The following FOXN3 variants were observed in gnomAD, a reference collection of about 807,000 sequenced individuals.
FOXN3 encodes forkhead box N3, also known as forkhead box protein N3.
In FOXN3, 7 loss-of-function variants were observed where a neutral mutation model predicts 38.4. The ratio of observed to expected loss-of-function variants is 0.18; its 90% CI spans 0.10 to 0.34. The LOEUF (loss-of-function observed/expected upper bound fraction) is 0.34, where lower values mean the gene tolerates loss of function less well. Among genes scored for constraint, FOXN3 ranks in the 10% least tolerant of loss-of-function variants. FOXN3 has a pLI of 1.00. For synonymous variants in FOXN3, 230 were observed against 242.2 expected (o/e 0.95, Z 0.47); for missense variants, 456 against 613.4 (o/e 0.74, Z 2.71).
intron 1 of FOXN3, among the ~76,000 whole-genome samples, chr14:89,613,322 T>A (rs1049528205): frequency 1.3e-5 from 2 of 152,090 alleles, no homozygotes; most frequent in Non-Finnish European, 2.9e-5. Flanking sequence ...CTGGCATGTA[T>A]CCTTCAGTTC....
intron 4 of FOXN3, among the ~76,000 whole-genome samples, chr14:89,279,944 C>T (rs1886408862): frequency 6.6e-6 from 1 of 152,186 alleles, no homozygotes; most frequent in South Asian, 2.1e-4. Context: ...TACTCCTTCA[C>T]ACACAGGGCC....
In FOXN3 at chr14:89,554,782, C is replaced by CTTTTTTTTTTTT. The variant is rs34530866; in HGVS notation, c.-15+64234_-15+64245dup. On this transcript the variant is annotated intron_variant, in intron 1 of 6. Transcript: ENST00000345097. Reference sequence around the variant, plus strand: ...ATAATCTATGTAAATACTAGCATTTCTTTTTTTTTTTTTTTTTTTTTTTTG... The same window carrying CTTTTTTTTTTTT: ...ATAATCTATGTAAATACTAGCATTTCTTTTTTTTTTTTTTTTTTTTTTTTTTTTTTTTTTTTG... Among the ~76,000 whole-genome samples, 17 of 68,590 alleles carry CTTTTTTTTTTTT rather than the reference C, an allele frequency of 2.5e-4. 1 individual carries two copies. Among genetic ancestry groups the CTTTTTTTTTTTT allele is most frequent in the African/African-American group, 8.7e-4 (17 of 19,622 alleles). The allele number at this position is 68,590 out of a possible 152,430, so 45.0% of individuals were successfully genotyped here.
chr14:89,601,547 A>AACAAAGCAATTAGTTAAACTCAGGTAC (rs1165968505), intron 1 of FOXN3, among the ~76,000 whole-genome samples: 3 of 152,228 alleles, frequency 2.0e-5, no homozygotes, highest in Non-Finnish European at 4.4e-5. Context: ...TGAACCTAGC[A>AACAAAGCAATTAGTTAAACTCAGGTAC]ACAAAGCAAT....
At chr14:89,568,927 G>A (rs77203414) in intron 1 of FOXN3, among the ~76,000 whole-genome samples, 2,008 of 152,308 alleles carry the variant, frequency 0.013, 48 homozygotes, top group African/African-American at 0.046. Flanking sequence ...GCCATTGGCC[G>A]GGCACGGTGG....
chr14:89,384,516 T>C (rs1890740871), intron 2 of FOXN3, among the ~76,000 whole-genome samples: 1 of 152,218 alleles, frequency 6.6e-6, no homozygotes, highest in South Asian at 2.1e-4. Flanking sequence ...TTCATTCATA[T>C]AACATGGTTT....
chr14:89,405,013 A>C (rs1296625568), intron 2 of FOXN3, among the ~76,000 whole-genome samples: 1 of 152,198 alleles, frequency 6.6e-6, no homozygotes, highest in Non-Finnish European at 1.5e-5. Context: ...AGGTAGGTTG[A>C]CTGGTGTCAC....
chr14:89,609,037 A>G (rs1039815260), intron 1 of FOXN3, among the ~76,000 whole-genome samples: 2 of 152,222 alleles, frequency 1.3e-5, no homozygotes, highest in African/African-American at 4.8e-5. Context: ...AACAAGATGT[A>G]CAAAGGCTGG....
rs1476565244 is a variant in FOXN3, at chr14:89,481,523, C to A, written c.-14-69033G>T. 2.6e-5 allele frequency among the ~76,000 whole-genome samples: 4 copies of A among 152,170 alleles called. No homozygotes were observed. The East Asian group carries it at 5.8e-4, about 22-fold the overall frequency. ...GGGCCACTGTCAGGGAAGTGGGGCC[C>A]CATGAGGTCAAGGGTGCAATACTCA... On this transcript the variant is annotated intron_variant, in intron 1 of 6. Coordinates refer to the FOXN3 transcript ENST00000345097.
At chr14:89,176,299 A>AT (rs1887516658) in intron 5 of FOXN3, among the ~76,000 whole-genome samples, 1 of 152,264 alleles carries the variant, frequency 6.6e-6, no homozygotes, top group African/African-American at 2.4e-5. Context: ...GTAACACTTC[A>AT]TCTATGTCAA....
chr14:89,539,424 C>T (rs1346417939), intron 1 of FOXN3, among the ~76,000 whole-genome samples: 1 of 152,124 alleles, frequency 6.6e-6, no homozygotes, highest in African/African-American at 2.4e-5. Context: ...GAAAATGATA[C>T]ATAAAACACT....
chr14:89,243,632 T>C (rs1428873838), intron 4 of FOXN3, among the ~76,000 whole-genome samples: 3 of 152,294 alleles, frequency 2.0e-5, no homozygotes, highest in East Asian at 3.9e-4. Flanking sequence ...TGCCCTTTCA[T>C]TTTCTGAGAG....
chr14:89,447,622 A>G (rs1237467453), intron 1 of FOXN3, among the ~76,000 whole-genome samples: 1 of 152,044 alleles, frequency 6.6e-6, no homozygotes, highest in Admixed American at 6.6e-5. Context: ...ATACTCTACT[A>G]GGAAACACAC....
intron 1 of FOXN3, among the ~76,000 whole-genome samples, chr14:89,494,550 T>G (rs569391972): frequency 3.4e-4 from 52 of 152,252 alleles, no homozygotes; most frequent in African/African-American, 1.2e-3. Flanking sequence ...TTTAAAATGG[T>G]GTGGGAAGGA....
At chr14:89,174,647 C>A (rs1887474519) in intron 5 of FOXN3, among the ~76,000 whole-genome samples, 1 of 152,260 alleles carries the variant, frequency 6.6e-6, no homozygotes, top group Admixed American at 6.5e-5. Context: ...TGAGGAGCAG[C>A]TCTAGAATGT....
chr14:89,569,616 A>T (rs1474662944), intron 1 of FOXN3, among the ~76,000 whole-genome samples: 1 of 152,222 alleles, frequency 6.6e-6, no homozygotes, highest in African/African-American at 2.4e-5. Flanking sequence ...GATCATGACA[A>T]ATTAATCCAA....
At chr14:89,593,077 G>A (rs941159816) in intron 1 of FOXN3, among the ~76,000 whole-genome samples, 1 of 140,974 alleles carries the variant, frequency 7.1e-6, no homozygotes, top group East Asian at 2.3e-4. Context: ...GGGAGGGAGG[G>A]AATGAGGGAA....
chr14:89,541,725 A>G (rs1224127208), intron 1 of FOXN3, among the ~76,000 whole-genome samples: 1 of 152,058 alleles, frequency 6.6e-6, no homozygotes, highest in Non-Finnish European at 1.5e-5. Flanking sequence ...GAGATTCAAG[A>G]ACCCTCTTGG....
intron 1 of FOXN3, among the ~76,000 whole-genome samples, chr14:89,601,859 A>G (rs1288148509): frequency 6.6e-6 from 1 of 151,940 alleles, no homozygotes; most frequent in African/African-American, 2.4e-5. Context: ...TAGTACTAGC[A>G]CTCGTAGACC....
chr14:89,206,448 C>T (rs1350099522), intron 4 of FOXN3, among the ~76,000 whole-genome samples: 2 of 152,134 alleles, frequency 1.3e-5, no homozygotes, highest in Admixed American at 6.5e-5. Context: ...GCTTGATAAT[C>T]GCCAGAAAAT....
Sources: allele counts gnomAD v4.1 joint callset (sites outside exome capture counted in the v4.1 genomes callset), GRCh38; gene constraint gnomAD v4.1.1; transcripts MANE v1.5; gene names NCBI Gene and HGNC (gene_info 2026-07-23, HGNC 2026-07-21).